The following MBNL2 variants were observed in gnomAD, a reference collection of about 807,000 sequenced individuals.
MBNL2 encodes the protein muscleblind like splicing regulator 2.
Under a neutral mutation model 41.9 loss-of-function variants are expected in MBNL2, and 17 were observed. That is an observed-to-expected ratio of 0.41 (90% CI 0.28 to 0.61). MBNL2 has a LOEUF of 0.61. MBNL2 is among the 20% of genes least tolerant of loss of function. MBNL2 has a pLI of 0.35. For synonymous variants in MBNL2, 195 were observed against 182.9 expected (o/e 1.07, Z -0.53); for missense variants, 336 against 505.6 (o/e 0.66, Z 3.22).
chr13:97,358,551 C>A lies in MBNL2; in HGVS notation c.1012+916C>A, dbSNP rs553164640. On this transcript the variant is annotated intron_variant, in intron 7 of 8. Coordinates refer to ENST00000679496, the MANE Select transcript of MBNL2 (RefSeq NM_001382683.1). ...AAAACAAAAGTATAAATCATGTCAT[C>A]CCTCCCCCATTTGCACCGACATCTC... 4.8e-4 allele frequency among the ~76,000 whole-genome samples: 73 copies of A among 152,220 alleles called. 1 individual carries two copies. The highest frequency in any genetic ancestry group is 1.7e-3 in the African/African-American group (69 of 41,546).
At chr13:97,183,770 T>C in the MBNL2 span, among the ~76,000 whole-genome samples, 2 of 152,236 alleles carry the variant, frequency 1.3e-5, no homozygotes, top group Admixed American at 6.5e-5. Context: ...TTACCTGTTA[T>C]CTGATATTAA....
chr13:97,236,369 C>T (rs1423044236), intron 1 of MBNL2, among the ~76,000 whole-genome samples: 1 of 152,062 alleles, frequency 6.6e-6, no homozygotes, highest in Admixed American at 6.5e-5. Flanking sequence ...GGCATGCTTT[C>T]CCTTGGGGTT....
chr13:97,366,755 T>C lies in MBNL2; in HGVS notation c.1048+1584T>C. The C allele has an allele frequency of 1.5e-6, 1 of 646,252 alleles. No homozygotes were observed. The highest frequency in any genetic ancestry group is 1.8e-5 in the African/African-American group (1 of 54,438). The allele number at this position is 646,252 out of a possible 1,614,324, so 40.0% of individuals were successfully genotyped here. On this transcript the variant is annotated intron_variant, in intron 8 of 8. Transcript: ENST00000679496. The surrounding 1 kb of genome is among the most constrained non-coding windows in gnomAD (Gnocchi z 4.7). Reference sequence around the variant, plus strand: ...TACTGCAAATAATGATGTAGCTATGTTTTGTGTTGCACTGTTTGTTTTCGT... The same window carrying C: ...TACTGCAAATAATGATGTAGCTATGCTTTGTGTTGCACTGTTTGTTTTCGT...
Position 97,309,949 on chromosome 13 carries a change from C to G in MBNL2, c.175-24327C>G, listed in dbSNP as rs185965848. Among the ~76,000 whole-genome samples the G allele has an allele frequency of 3.5e-4, 54 of 152,294 alleles. No homozygotes were observed. In the East Asian group the frequency reaches 9.3e-3, roughly 26 times the overall value. On this transcript the variant is annotated intron_variant, in intron 2 of 8. Coordinates refer to ENST00000679496, the MANE Select transcript of MBNL2 (RefSeq NM_001382683.1). ...CGAGAATAGCACAGAGAAGGACTAT[C>G]TGTAATGGAGTATGGGGCAGGCTAT...
intron 2 of MBNL2, among the ~76,000 whole-genome samples, chr13:97,319,525 G>A (rs376996817): frequency 4.6e-5 from 7 of 152,136 alleles, no homozygotes; most frequent in South Asian, 2.1e-4. Flanking sequence ...AAGTGCCAGC[G>A]AAGATGACCC....
At chr13:97,380,662 A>G (rs1360012227) in intron 8 of MBNL2, among the ~76,000 whole-genome samples, 1 of 152,314 alleles carries the variant, frequency 6.6e-6, no homozygotes, top group Non-Finnish European at 1.5e-5. Flanking sequence ...AGTCCTTATC[A>G]TATGAGAAGG....
At chr13:97,150,025 A>G in the MBNL2 span, among the ~76,000 whole-genome samples, 1 of 152,230 alleles carries the variant, frequency 6.6e-6, no homozygotes, top group Admixed American at 6.5e-5. Context: ...CTGGCACTGC[A>G]TGGCTGCCTG....
intron 2 of MBNL2, among the ~76,000 whole-genome samples, chr13:97,279,712 A>G (rs1359909346): frequency 2.0e-5 from 3 of 152,248 alleles, no homozygotes; most frequent in African/African-American, 7.2e-5. Flanking sequence ...GCCTATCAGT[A>G]TGGGGACAAG....
At chr13:97,348,170 G>T (rs889375919) in intron 5 of MBNL2, among the ~76,000 whole-genome samples, 5 of 150,006 alleles carry the variant, frequency 3.3e-5, no homozygotes, top group Non-Finnish European at 5.9e-5. Flanking sequence ...AAACTCCTGG[G>T]CTCAAGTGAT....
At chr13:97,153,210 T>A in the MBNL2 span, among the ~76,000 whole-genome samples, 1 of 152,176 alleles carries the variant, frequency 6.6e-6, no homozygotes, top group African/African-American at 2.4e-5. Context: ...AGTGTGTTCT[T>A]GACTCAGAGC....
At chr13:97,158,645 C>T in the MBNL2 span, among the ~76,000 whole-genome samples, 4 of 151,670 alleles carry the variant, frequency 2.6e-5, no homozygotes, top group African/African-American at 9.7e-5. Flanking sequence ...GCCTTCATTT[C>T]GTTATGTACC....
At chr13:97,368,969 T>G (rs1220046243) in intron 8 of MBNL2, among the ~76,000 whole-genome samples, 1 of 151,752 alleles carries the variant, frequency 6.6e-6, no homozygotes, top group African/African-American at 2.4e-5. Context: ...GTTTATCAGA[T>G]GTAATAGTTG....
chr13:97,144,120 G>C, the MBNL2 span, among the ~76,000 whole-genome samples: 3 of 152,036 alleles, frequency 2.0e-5, no homozygotes, highest in Non-Finnish European at 4.4e-5. Context: ...CTAGGATTAC[G>C]GGCATGAGCC....
At chr13:97,291,751 T>C (rs1275384709) in intron 2 of MBNL2, among the ~76,000 whole-genome samples, 1 of 150,824 alleles carries the variant, frequency 6.6e-6, no homozygotes. Flanking sequence ...AAAAATTAGC[T>C]GGGCATGGTG....
chr13:97,274,783 G>C (rs992638323), intron 1 of MBNL2, among the ~76,000 whole-genome samples: 5 of 152,174 alleles, frequency 3.3e-5, no homozygotes, highest in Non-Finnish European at 7.4e-5. Flanking sequence ...AGAAACTGAA[G>C]GTGCTTATTT....
chr13:97,184,817 C>G, the MBNL2 span, among the ~76,000 whole-genome samples: 1 of 152,188 alleles, frequency 6.6e-6, no homozygotes, highest in Non-Finnish European at 1.5e-5. Context: ...CACCTCCTGT[C>G]TGCAGTTGGC....
the MBNL2 span, among the ~76,000 whole-genome samples, chr13:97,188,038 A>G: frequency 3.7e-3 from 568 of 152,326 alleles, 4 homozygotes; most frequent in African/African-American, 0.013. Flanking sequence ...CCACTGACAG[A>G]TTCATGCTTA....
chr13:97,236,135 C>T (rs1371009337), intron 1 of MBNL2, among the ~76,000 whole-genome samples: 2 of 152,098 alleles, frequency 1.3e-5, no homozygotes, highest in African/African-American at 4.8e-5. Context: ...CGACTTATTT[C>T]CCTCTTTTTT....
Position 97,334,196 on chromosome 13 carries a change from TAA to T in MBNL2, c.175-79_175-78del. 8.9e-7 allele frequency: 1 copy of T among 1,117,944 alleles called. No homozygotes were observed. Among genetic ancestry groups the T allele is most frequent in the Non-Finnish European group, 1.3e-6 (1 of 765,918 alleles). 69.3% of individuals were successfully genotyped at this position (1,117,944 alleles called of 1,614,324 possible). ...CACACAGGATCCTTGCTTTTGTGCA[TAA>T]GAAGTGATTGTTCAGTGGTTGACTT... On this transcript the variant is annotated intron_variant, in intron 2 of 8. Coordinates refer to ENST00000679496, the MANE Select transcript of MBNL2 (RefSeq NM_001382683.1). The surrounding 1 kb of genome is among the most constrained non-coding windows in gnomAD (Gnocchi z 5.3).
Sources: gnomAD v4.1 joint callset for allele counts (sites outside exome capture counted in the v4.1 genomes callset) on GRCh38, gnomAD v4.1.1 for gene constraint, Gnocchi (gnomAD v3.1) non-coding constraint, MANE v1.5 for transcripts, NCBI Gene and HGNC (gene_info 2026-07-23, HGNC 2026-07-21) for gene names.